CNTRL: variants seen among roughly 807,000 people sequenced by gnomAD.
The protein encoded by CNTRL is centriolin.
A neutral mutation model predicts 303.7 loss-of-function variants in CNTRL; 233 were observed. The ratio of observed to expected loss-of-function variants is 0.77; its 90% CI spans 0.69 to 0.86. CNTRL has a LOEUF of 0.86. Among genes scored for constraint, CNTRL ranks in the 40% least tolerant of loss-of-function variants. The probability of loss-of-function intolerance (pLI) is 0.00; values close to 1 mark genes in which losing one functional copy is unlikely to be tolerated. For missense variants in CNTRL, 2,524 were observed against 2,650.6 expected, an observed-to-expected ratio of 0.95 and a Z score of 1.05; for synonymous variants, 900 against 922.2, an observed-to-expected ratio of 0.98 and a Z score of 0.44.
In CNTRL at chr9:121,148,682, A is replaced by G. The variant is rs746778008; in HGVS notation, c.3470A>G (p.His1157Arg). 2 of 1,612,602 alleles carry G rather than the reference A, an allele frequency of 1.2e-6. No individual in the cohort carries two copies. Among genetic ancestry groups the G allele is most frequent in the African/African-American group, 2.7e-5 (2 of 74,874 alleles). Residue 1157 changes from histidine (H) to arginine (R), a missense_variant, in exon 24 of 44, where the codon CAT becomes CGT. Physicochemically the swap from His to Arg is conservative, Grantham distance 29. Coordinates refer to ENST00000373855, the MANE Select transcript of CNTRL (RefSeq NM_007018.6). The stretch of plus-strand genomic sequence containing the variant: ...TGTCATTTGTTTTAGGTTTCCAGCC[A>G]TAGTTCCCAGGCCACCAAGGACTCT... ...PPPPSSKVSS[H>R]SSQATKDSGV... is the part of the protein sequence containing the mutation.
At position 121,106,249 on chromosome 9, in the gene CNTRL, G is replaced by T. The variant is rs79468001; in HGVS notation, c.809-1553G>T. Among the ~76,000 whole-genome samples the T allele has an allele frequency of 7.5e-4, 111 of 148,434 alleles. 1 individual carries two copies. In the East Asian group the frequency reaches 0.022, roughly 29 times the overall value. On this transcript the variant is annotated intron_variant, in intron 7 of 43. Transcript: ENST00000373855. Reference sequence around the variant, plus strand: ...AGCTATTTGGGAAGCTGAGAGAAGAGAATCACTTGAACCTGGTAGACGGAG... The same window carrying T: ...AGCTATTTGGGAAGCTGAGAGAAGATAATCACTTGAACCTGGTAGACGGAG...
At position 121,150,292 on chromosome 9, in the gene CNTRL, CAGGGCA is replaced by C; in HGVS notation, c.3773_3778del (p.Gln1258_Met1260delinsLeu). 6.2e-7 allele frequency: 1 copy of C among 1,614,158 alleles called. No homozygotes were observed. The highest frequency in any genetic ancestry group is 8.5e-7 in the Non-Finnish European group (1 of 1,180,018). Reference sequence around the variant, plus strand: ...GCTTCCTGATGGTTCTCCTGTACCCCAGGGCATGGCCCTGTATGCACCACCTCCTCC... The same window carrying C: ...GCTTCCTGATGGTTCTCCTGTACCCCTGGCCCTGTATGCACCACCTCCTCC... On this transcript the variant is annotated inframe_deletion, in exon 25 of 44. Coordinates refer to ENST00000373855, the MANE Select transcript of CNTRL (RefSeq NM_007018.6).
At chr9:121,081,163 G>A (rs2048124854) in intron 2 of CNTRL, among the ~76,000 whole-genome samples, 1 of 152,174 alleles carries the variant, frequency 6.6e-6, no homozygotes, top group African/African-American at 2.4e-5. Context: ...TTTCTTTATG[G>A]CCAGCTGTTA....
At chr9:121,125,641 C>T (rs994419641) in intron 13 of CNTRL, 75 bp from the exon 14 acceptor site, 4 of 1,282,452 alleles carry the variant, frequency 3.1e-6, no homozygotes, top group Admixed American at 3.7e-5. Flanking sequence ...TCACTCTTGG[C>T]TTATAACAAA....
At chr9:121,138,439 T>A in intron 15 of CNTRL, 106 bp from the exon 16 acceptor site, 1 of 1,173,816 alleles carries the variant, frequency 8.5e-7, no homozygotes, top group Middle Eastern at 2.0e-4. Flanking sequence ...GTTGTAAAAC[T>A]ATAGCTAGCA....
At chr9:121,102,524 C>G (rs1730971792) in intron 7 of CNTRL, among the ~76,000 whole-genome samples, 1 of 152,148 alleles carries the variant, frequency 6.6e-6, no homozygotes, top group Non-Finnish European at 1.5e-5. Context: ...TCCTATTCAA[C>G]ATAGTGTTGG....
rs746652782 is a variant in CNTRL, at chr9:121,158,946, A to G, written c.4856A>G (p.Gln1619Arg). Residue 1619 changes from glutamine to arginine, a missense_variant, in exon 31 of 44, where the codon CAG (glutamine) becomes CGG (arginine). By Grantham distance (43) the Gln-to-Arg change is conservative. Coordinates refer to ENST00000373855, the MANE Select transcript of CNTRL (RefSeq NM_007018.6). ...ELHLLQGSMV[Q>R]AKADLQEALR... ...CATCTACTCCAAGGAAGCATGGTCC[A>G]GGCAAAAGCTGACCTCCAGGAAGCT... 1.2e-6 allele frequency: 2 copies of G among 1,614,230 alleles called. No homozygotes were observed. Among genetic ancestry groups the G allele is most frequent in the South Asian group, 2.2e-5 (2 of 91,088 alleles).
chr9:121,167,748 A>G (rs540274717), intron 37 of CNTRL, 71 bp downstream of exon 37: 2 of 1,368,204 alleles, frequency 1.5e-6, no homozygotes, highest in East Asian at 4.8e-5. Context: ...TTCCCCTGGC[A>G]GAAAGCTGCT....
At position 121,167,536 on chromosome 9, in the gene CNTRL, G is replaced by T; in HGVS notation, c.5703G>T (p.Gln1901His). Residue 1901 changes from glutamine to histidine, a missense_variant, in exon 37 of 44, where the codon CAG becomes CAT. Transcript: ENST00000373855. ...ATCAGGATGTGTTGCTCAGTGAGCA[G>T]ACCCGACTCCAGAAGGACATCAGTG... ...TKHQDVLLSE[Q>H]TRLQKDISEW... 6.2e-7 allele frequency: 1 copy of T among 1,614,106 alleles called. No homozygotes were observed. The highest frequency in any genetic ancestry group is 8.5e-7 in the Non-Finnish European group (1 of 1,179,998).
rs537403021 is a variant in CNTRL at position 121,113,510 on chromosome 9, A to G, written c.1131A>G (p.Glu377=). ...PLNYYPSEYA[E]IDKAPDESPY... is the part of the protein sequence containing the mutation. ...TATTATTTTGCTTTTAGTATGCTGA[A>G]ATTGATAAAGCCCCAGATGAAAGCC... Residue 377 remains glutamate, a synonymous_variant, in exon 10 of 44, where the codon GAA becomes GAG. Transcript: ENST00000373855. 3 of 1,569,924 alleles carry G rather than the reference A, an allele frequency of 1.9e-6. No individual in the cohort carries two copies. In the South Asian group the frequency reaches 3.6e-5, roughly 19 times the overall value.
intron 5 of CNTRL, 50 bp from the exon 6 acceptor site, chr9:121,096,372 A>C (rs961749565): frequency 1.7e-6 from 2 of 1,157,136 alleles, no homozygotes; most frequent in Non-Finnish European, 2.3e-6. Context: ...TACAATGGAG[A>C]GACTCTATAA....
intron 9 of CNTRL, 22 bp from the exon 10 acceptor site, chr9:121,113,480 A>G: frequency 7.2e-7 from 1 of 1,379,682 alleles, no homozygotes; most frequent in East Asian, 2.3e-5. Context: ...ATTAAACCAT[A>G]AATCTATTAT....
chr9:121,162,432 C>A, intron 34 of CNTRL, 161 bp downstream of exon 34: 5 of 608,410 alleles, frequency 8.2e-6, no homozygotes, highest in Admixed American at 3.2e-5. Context: ...GAATTTCCTT[C>A]TAGCTTTTTT....
chr9:121,083,426 C>T (rs988596086), intron 2 of CNTRL, among the ~76,000 whole-genome samples: 22 of 152,146 alleles, frequency 1.4e-4, no homozygotes, highest in African/African-American at 5.3e-4. Context: ...CAAACACACA[C>T]ATTAGCCTAG....
chr9:121,075,665 G>A (rs1330894525), intron 1 of CNTRL, among the ~76,000 whole-genome samples: 1 of 152,220 alleles, frequency 6.6e-6, no homozygotes, highest in Non-Finnish European at 1.5e-5. Context: ...CCCTGGATAT[G>A]TGTCTGAGCC....
At chr9:121,099,506 A>G (rs928741234) in intron 7 of CNTRL, among the ~76,000 whole-genome samples, 5 of 152,254 alleles carry the variant, frequency 3.3e-5, no homozygotes, top group Non-Finnish European at 5.9e-5. Flanking sequence ...TTCTCCTCCA[A>G]AGGAATGCAG....
chr9:121,153,706 T>G (rs560540303), intron 26 of CNTRL, among the ~76,000 whole-genome samples: 17 of 152,292 alleles, frequency 1.1e-4, no homozygotes, highest in African/African-American at 3.6e-4. Context: ...AAGCCTATCT[T>G]TTGCAGTAGT....
At chr9:121,161,806 TTTCCAAG>T in intron 32 of CNTRL, 43 bp from the exon 33 acceptor site, 2 of 1,360,720 alleles carry the variant, frequency 1.5e-6, no homozygotes, top group Non-Finnish European at 2.1e-6. Context: ...TTGTAAATGT[TTTCCAAG>T]TTCATTTAAT....
chr9:121,167,531 G>T lies in CNTRL; in HGVS notation c.5698G>T (p.Glu1900Ter). 1 of 1,614,068 alleles carries T rather than the reference G, an allele frequency of 6.2e-7. No homozygotes were observed. Among genetic ancestry groups the T allele is most frequent in the South Asian group, 1.1e-5 (1 of 91,064 alleles). The change falls in exon 37 of 44, where the codon GAG (glutamate) becomes TAG (stop). Residue 1900 changes from glutamate to a stop codon, truncating the protein, a stop_gained. Coordinates refer to ENST00000373855, the MANE Select transcript of CNTRL (RefSeq NM_007018.6). LOFTEE classifies it high-confidence loss of function. ...TTKHQDVLLS[E>*]QTRLQKDISE... is the part of the protein sequence containing the mutation. ...CAAGCATCAGGATGTGTTGCTCAGT[G>T]AGCAGACCCGACTCCAGAAGGACAT... is the stretch of plus-strand genomic sequence containing the variant.
Sources: gnomAD v4.1 joint callset for allele counts (sites outside exome capture counted in the v4.1 genomes callset) on GRCh38, gnomAD v4.1.1 for gene constraint, MANE v1.5 for transcripts, NCBI Gene and HGNC (gene_info 2026-07-23, HGNC 2026-07-21) for gene names.